ITGAD: variants seen among roughly 807,000 people sequenced by gnomAD.
ITGAD encodes the protein integrin alpha-D.
In ITGAD, 105 loss-of-function variants were observed where a neutral mutation model predicts 139.0. That is an observed-to-expected ratio of 0.76 (90% CI 0.65 to 0.89). The LOEUF (loss-of-function observed/expected upper bound fraction) is 0.89, where lower values mean the gene tolerates loss of function less well. Among genes scored for constraint, ITGAD ranks in the 40% least tolerant of loss-of-function variants. The pLI, the probability that ITGAD is intolerant of heterozygous loss-of-function variation, is 0.00. For synonymous variants in ITGAD, 569 were observed against 598.3 expected, an observed-to-expected ratio of 0.95 and a Z score of 0.71; for missense variants, 1,384 against 1,487.3, an observed-to-expected ratio of 0.93 and a Z score of 1.14.
At chr16:31,397,706 C>CCCCCGG in intron 4 of ITGAD, 40 bp downstream of exon 4, 8 of 299,944 alleles carry the variant, frequency 2.7e-5, no homozygotes, top group Non-Finnish European at 4.4e-5. Context: ...TGGGGTGGGG[C>CCCCCGG]GGGGGGTGTT....
intron 23 of ITGAD, among the ~76,000 whole-genome samples, chr16:31,420,837 C>A (rs916275993): frequency 1.3e-5 from 2 of 152,124 alleles, no homozygotes; most frequent in Non-Finnish European, 2.9e-5. Context: ...GAGGGCCTCC[C>A]AAAGTGCTGG....
chr16:31,414,349 A>G, intron 16 of ITGAD, 102 bp from the exon 17 acceptor site: 1 of 1,286,854 alleles, frequency 7.8e-7, no homozygotes, highest in Non-Finnish European at 1.1e-6. Context: ...TTCATGGCCC[A>G]TAGCAGTGTC....
At position 31,412,886 on chromosome 16, in the gene ITGAD, G is replaced by A; in HGVS notation, c.1756G>A (p.Ala586Thr). ...CCCCAGGCTGCAGTATTTTGGGCAG[G>A]CGCTGAGTGGGGGTCAGGACCTCAC... Reference protein sequence around the residue: ...LSPRLQYFGQALSGGQDLTQD... With the variant: ...LSPRLQYFGQTLSGGQDLTQD... The change falls in exon 15 of 30, where the codon GCG becomes ACG. Residue 586 changes from alanine (A) to threonine (T), a missense_variant. Physicochemically the swap from Ala to Thr is moderately conservative, Grantham distance 58. Transcript: ENST00000389202. 2.5e-6 allele frequency: 4 copies of A among 1,614,118 alleles called. No individual in the cohort carries two copies. Among genetic ancestry groups the A allele is most frequent in the Non-Finnish European group, 3.4e-6 (4 of 1,180,014 alleles).
chr16:31,408,311 T>G, intron 9 of ITGAD, 114 bp from the exon 10 acceptor site: 1 of 849,882 alleles, frequency 1.2e-6, no homozygotes, highest in South Asian at 1.5e-5. Context: ...TGTTCACAAC[T>G]CACTCAAAAT....
chr16:31,400,453 G>A (rs1397003924), intron 5 of ITGAD, among the ~76,000 whole-genome samples: 2 of 152,214 alleles, frequency 1.3e-5, no homozygotes, highest in Non-Finnish European at 2.9e-5. Flanking sequence ...AGCACAGGAT[G>A]TGGCTGCTGG....
chr16:31,416,489 C>A lies in ITGAD; in HGVS notation c.2358-16C>A. 6.2e-7 allele frequency: 1 copy of A among 1,603,094 alleles called. No homozygotes were observed. The highest frequency in any genetic ancestry group is 1.1e-5 in the South Asian group (1 of 90,748). On this transcript the variant is annotated splice_polypyrimidine_tract_variant and intron_variant, in intron 19 of 29. Coordinates refer to ENST00000389202, the MANE Select transcript of ITGAD (RefSeq NM_005353.3). ...TCCAGTGGAGCGCCACTCCCAGCCT[C>A]GTCCTTCCCCTTCAGCCTGCAGACC...
At position 31,397,302 on chromosome 16, in the gene ITGAD, C is replaced by A. The variant is rs1287702560; in HGVS notation, c.138-57C>A. The A allele has an allele frequency of 1.1e-5, 13 of 1,195,410 alleles. No homozygotes were observed. In the African/African-American group the frequency reaches 2.0e-4, roughly 18 times the overall value. The allele number at this position is 1,195,410 out of a possible 1,614,324, so 74.1% of individuals were successfully genotyped here. On this transcript the variant is annotated intron_variant, in intron 2 of 29. Transcript: ENST00000389202. ...AGGGACACTTCCTCACCCCCAAGTGCCCGCTGCTCCCACCCCTCCTGTGGC... is the reference window on the plus strand; with the variant it reads ...AGGGACACTTCCTCACCCCCAAGTGACCGCTGCTCCCACCCCTCCTGTGGC...
chr16:31,424,414 T>A (rs970369798), intron 28 of ITGAD, 53 bp from the exon 29 acceptor site: 25 of 1,472,602 alleles, frequency 1.7e-5, no homozygotes, highest in Non-Finnish European at 2.4e-5. Context: ...TTGCGGAACC[T>A]GGGAGGCATC....
chr16:31,405,619 G>C (rs1250546798), intron 7 of ITGAD, among the ~76,000 whole-genome samples: 2 of 149,580 alleles, frequency 1.3e-5, no homozygotes, highest in African/African-American at 4.9e-5. Context: ...CCCTCATCTA[G>C]GTCCACAATT....
Position 31,407,495 on chromosome 16 carries a change from C to T in ITGAD, c.705-20C>T. 1 of 1,554,432 alleles carries T rather than the reference C, an allele frequency of 6.4e-7. No individual in the cohort carries two copies. The highest frequency in any genetic ancestry group is 8.7e-7 in the Non-Finnish European group (1 of 1,148,838). ...ATCAATCACATCTCAGTAGAGTCATCTTCCTTTCCTCCCCGACAGGACACA... is the reference window on the plus strand; with the variant it reads ...ATCAATCACATCTCAGTAGAGTCATTTTCCTTTCCTCCCCGACAGGACACA... On this transcript the variant is annotated intron_variant, in intron 7 of 29. Coordinates refer to ENST00000389202, the MANE Select transcript of ITGAD (RefSeq NM_005353.3).
At chr16:31,400,841 A>G (rs748156277) in intron 5 of ITGAD, among the ~76,000 whole-genome samples, 27 of 152,128 alleles carry the variant, frequency 1.8e-4, no homozygotes, top group Non-Finnish European at 3.7e-4. Flanking sequence ...CCTGACCTCA[A>G]GTAATCCGCC....
chr16:31,398,551 A>G (rs2081330024), intron 5 of ITGAD, among the ~76,000 whole-genome samples: 1 of 152,036 alleles, frequency 6.6e-6, no homozygotes, highest in African/African-American at 2.4e-5. Context: ...GTGCAATCAT[A>G]GCTCACTGCA....
chr16:31,407,839 A>T lies in ITGAD; in HGVS notation c.932A>T (p.His311Leu). 6.2e-7 allele frequency: 1 copy of T among 1,611,620 alleles called. No individual in the cohort carries two copies. Among genetic ancestry groups the T allele is most frequent in the Non-Finnish European group, 8.5e-7 (1 of 1,177,888 alleles). The stretch of plus-strand genomic sequence containing the variant: ...ATCAGCTCAGCGCCTCCGCAGGACC[A>T]CGTGTTCAAGGTGGACAACTTTGCA... ...NTISSAPPQD[H>L]VFKVDNFAAL... Residue 311 changes from histidine to leucine, a missense_variant, in exon 9 of 30, where the codon CAC becomes CTC. Transcript: ENST00000389202.
chr16:31,409,016 G>A (rs550563378), intron 10 of ITGAD, among the ~76,000 whole-genome samples: 16 of 152,294 alleles, frequency 1.1e-4, no homozygotes, highest in African/African-American at 3.8e-4. Context: ...AGATGGGGCC[G>A]GTCACTGTGG....
intron 2 of ITGAD, among the ~76,000 whole-genome samples, chr16:31,396,600 A>T (rs1211255731): frequency 1.3e-5 from 2 of 152,240 alleles, no homozygotes; most frequent in East Asian, 3.8e-4. Flanking sequence ...CCCCTGAATC[A>T]TGATGCACAG....
intron 5 of ITGAD, among the ~76,000 whole-genome samples, chr16:31,400,922 A>AC (rs1177062135): frequency 6.6e-6 from 1 of 152,000 alleles, no homozygotes; most frequent in African/African-American, 2.4e-5. Flanking sequence ...ATTCTTGGGC[A>AC]CCGCACCCAT....
Position 31,408,437 on chromosome 16 carries a change from G to C in ITGAD, c.1022G>C (p.Arg341Thr), listed in dbSNP as rs772459243. 3 of 1,613,956 alleles carry C rather than the reference G, an allele frequency of 1.9e-6. No homozygotes were observed. The highest frequency in any genetic ancestry group is 1.7e-6 in the Non-Finnish European group (2 of 1,179,934). Reference protein sequence around the residue: ...KIYAVEGTQSRASSSFQHEMS... With the variant: ...KIYAVEGTQSTASSSFQHEMS... ...TGTTTCCCCACAGGAACCCAGTCCA[G>C]GGCAAGCAGCTCCTTCCAGCACGAG... The change falls in exon 10 of 30, where the codon AGG (arginine) becomes ACG (threonine). Residue 341 changes from arginine (R) to threonine (T), a missense_variant. Coordinates refer to ENST00000389202, the MANE Select transcript of ITGAD (RefSeq NM_005353.3).
chr16:31,407,995 T>G (rs2081584503), intron 9 of ITGAD, 79 bp downstream of exon 9: 3 of 1,411,430 alleles, frequency 2.1e-6, no homozygotes, highest in Non-Finnish European at 2.9e-6. Flanking sequence ...TTTTTTGAGA[T>G]GGAGTCTCAC....
intron 1 of ITGAD, 85 bp from the exon 2 acceptor site, chr16:31,394,145 AAAAAAG>A: frequency 1.3e-6 from 1 of 755,392 alleles, no homozygotes; most frequent in Non-Finnish European, 2.1e-6. Context: ...AAAAAAAAAA[AAAAAAG>A]AAAAAAAAGA....
Sources: gnomAD v4.1 joint callset for allele counts (sites outside exome capture counted in the v4.1 genomes callset) on GRCh38, gnomAD v4.1.1 for gene constraint, MANE v1.5 for transcripts, NCBI Gene and HGNC (gene_info 2026-07-23, HGNC 2026-07-21) for gene names.